Variants in ADAM23 observed in about 807,000 individuals in gnomAD.
ADAM23 encodes the protein disintegrin and metalloproteinase domain-containing protein 23.
In ADAM23, 33 loss-of-function variants were observed where a neutral mutation model predicts 120.1. That is an observed-to-expected ratio of 0.27 (90% CI 0.21 to 0.37). ADAM23 has a LOEUF of 0.37. Ranked by LOEUF, ADAM23 falls within the 10% of genes least tolerant of loss-of-function variation. ADAM23 has a pLI of 1.00. For missense variants in ADAM23, 862 were observed against 1,058.2 expected (o/e 0.81, Z 2.57); for synonymous variants, 367 against 375.2 (o/e 0.98, Z 0.25).
At chr2:206,569,729 T>C (rs766502576) in intron 15 of ADAM23, among the ~76,000 whole-genome samples, 1 of 152,336 alleles carries the variant, frequency 6.6e-6, no homozygotes, top group South Asian at 2.1e-4. Flanking sequence ...ATTTTGCTCA[T>C]AGGACTTTTC....
chr2:206,500,601 C>G (rs1262002363), intron 3 of ADAM23, among the ~76,000 whole-genome samples: 1 of 152,154 alleles, frequency 6.6e-6, no homozygotes, highest in African/African-American at 2.4e-5. Context: ...GGATGCCCAT[C>G]TCCTCTCCTT....
At chr2:206,463,788 A>G (rs1371339817) in intron 2 of ADAM23, among the ~76,000 whole-genome samples, 1 of 152,242 alleles carries the variant, frequency 6.6e-6, no homozygotes, top group Non-Finnish European at 1.5e-5. Context: ...AATGGTATGT[A>G]GAGACCTCGG....
chr2:206,466,158 C>T (rs1317114527), intron 2 of ADAM23, among the ~76,000 whole-genome samples: 6 of 152,080 alleles, frequency 3.9e-5, no homozygotes, highest in African/African-American at 9.7e-5. Context: ...TGGAAGTGAA[C>T]TTTCGGAAAA....
At position 206,596,154 on chromosome 2, in the gene ADAM23, G is replaced by A; in HGVS notation, c.2351G>A (p.Gly784Glu). The A allele has an allele frequency of 6.2e-7, 1 of 1,613,628 alleles. No homozygotes were observed. The highest frequency in any genetic ancestry group is 8.5e-7 in the Non-Finnish European group (1 of 1,179,702). Residue 784 changes from glycine to glutamate, a missense_variant, in exon 24 of 26, where the codon GGA becomes GAA. Gly to Glu is a moderately conservative substitution (Grantham distance 98, BLOSUM62 -2). Coordinates refer to ENST00000264377, the MANE Select transcript of ADAM23 (RefSeq NM_003812.4). Reference sequence around the variant, plus strand: ...AACCTTCACCCCCCCAAGGATGAAGGACCCAAGGGTTTGTGTGATTTTGGT... The same window carrying A: ...AACCTTCACCCCCCCAAGGATGAAGAACCCAAGGGTTTGTGTGATTTTGGT... ...VRNLHPPKDE[G>E]PKGPSATNLI...
At chr2:206,558,818 A>G (rs943846543) in intron 10 of ADAM23, among the ~76,000 whole-genome samples, 26 of 152,234 alleles carry the variant, frequency 1.7e-4, no homozygotes, top group African/African-American at 6.0e-4. Flanking sequence ...AAGACATTAC[A>G]TTTAACTTGT....
intron 4 of ADAM23, among the ~76,000 whole-genome samples, chr2:206,539,561 A>T (rs906236731): frequency 6.6e-6 from 1 of 152,214 alleles, no homozygotes; most frequent in Non-Finnish European, 1.5e-5. Flanking sequence ...ATATGGGTAC[A>T]TGGAGACAGC....
intron 24 of ADAM23, among the ~76,000 whole-genome samples, chr2:206,598,132 G>T (rs933823756): frequency 6.6e-6 from 1 of 152,062 alleles, no homozygotes; most frequent in Admixed American, 6.5e-5. Context: ...TCTGAAGTTA[G>T]ATTTAGAGAA....
At chr2:206,527,859 G>T (rs1696973410) in intron 3 of ADAM23, among the ~76,000 whole-genome samples, 1 of 152,154 alleles carries the variant, frequency 6.6e-6, no homozygotes, top group Admixed American at 6.6e-5. Flanking sequence ...GTGAGGAGGG[G>T]CATATGGTGG....
rs138871059 is a variant in ADAM23, at chr2:206,591,981, A to G, written c.1959-636A>G. ...GATGTGCCACTTCAATTCTTTGCCC[A>G]TTTTTTAGGAGTCATTGTTTACTTA... On this transcript the variant is annotated intron_variant, in intron 21 of 25. Coordinates refer to ENST00000264377, the MANE Select transcript of ADAM23 (RefSeq NM_003812.4). Among the ~76,000 whole-genome samples the G allele has an allele frequency of 9.3e-3, 1,413 of 152,138 alleles. 23 individuals carry two copies. Among genetic ancestry groups the G allele is most frequent in the African/African-American group, 0.033 (1,355 of 41,502 alleles).
intron 3 of ADAM23, among the ~76,000 whole-genome samples, chr2:206,502,547 G>C (rs1696409309): frequency 6.6e-6 from 1 of 151,972 alleles, no homozygotes; most frequent in Admixed American, 6.6e-5. Flanking sequence ...GATACTCCTT[G>C]GGTTTCCAAT....
At chr2:206,587,258 A>G in intron 18 of ADAM23, 67 bp from the exon 19 acceptor site, 2 of 1,178,080 alleles carry the variant, frequency 1.7e-6, no homozygotes, top group African/African-American at 1.5e-5. Flanking sequence ...TGCATTATAT[A>G]TAGTATGTAC....
At chr2:206,572,754 A>C (rs1698030121) in intron 17 of ADAM23, among the ~76,000 whole-genome samples, 1 of 152,214 alleles carries the variant, frequency 6.6e-6, no homozygotes, top group South Asian at 2.1e-4. Context: ...TATATATGTG[A>C]ATTCTTCAGA....
intron 2 of ADAM23, among the ~76,000 whole-genome samples, chr2:206,466,081 G>A (rs1338608139): frequency 1.3e-5 from 2 of 152,158 alleles, no homozygotes; most frequent in Non-Finnish European, 2.9e-5. Flanking sequence ...ATATGATGAT[G>A]TATGCCTAAA....
chr2:206,504,054 C>T (rs1264437094), intron 3 of ADAM23, among the ~76,000 whole-genome samples: 1 of 151,944 alleles, frequency 6.6e-6, no homozygotes, highest in East Asian at 1.9e-4. Context: ...TAAATTTATT[C>T]CTTGATATAA....
intron 3 of ADAM23, among the ~76,000 whole-genome samples, chr2:206,489,786 A>G (rs1696092805): frequency 6.6e-6 from 1 of 152,162 alleles, no homozygotes; most frequent in Non-Finnish European, 1.5e-5. Flanking sequence ...GCACTGGACT[A>G]CCAATTTGCA....
At chr2:206,589,865 A>T (rs530082134) in intron 21 of ADAM23, among the ~76,000 whole-genome samples, 1 of 152,322 alleles carries the variant, frequency 6.6e-6, no homozygotes, top group South Asian at 2.1e-4. Context: ...GTGTAGTAGT[A>T]TACATGTAGT....
At chr2:206,611,072 A>G (rs541473111) in intron 25 of ADAM23, among the ~76,000 whole-genome samples, 20 of 152,330 alleles carry the variant, frequency 1.3e-4, no homozygotes, top group African/African-American at 4.8e-4. Context: ...TCAGCCAGTT[A>G]AAGTGTTATT....
intron 3 of ADAM23, among the ~76,000 whole-genome samples, chr2:206,511,878 T>C (rs941457429): frequency 2.0e-5 from 3 of 152,194 alleles, no homozygotes; most frequent in Non-Finnish European, 4.4e-5. Flanking sequence ...TTAATGATAG[T>C]CTAAGACAGA....
At chr2:206,506,671 T>C (rs1247409864) in intron 3 of ADAM23, among the ~76,000 whole-genome samples, 1 of 152,250 alleles carries the variant, frequency 6.6e-6, no homozygotes, top group African/African-American at 2.4e-5. Context: ...TTTTACCTTT[T>C]AGATTGCAGA....
Sources: gnomAD v4.1 joint callset for allele counts (sites outside exome capture counted in the v4.1 genomes callset) on GRCh38, gnomAD v4.1.1 for gene constraint, MANE v1.5 for transcripts, NCBI Gene and HGNC (gene_info 2026-07-23, HGNC 2026-07-21) for gene names.